BTBD9: variants seen among roughly 807,000 people sequenced by gnomAD.
The protein encoded by BTBD9 is BTB domain containing 9.
In BTBD9, 49 loss-of-function variants were observed where a neutral mutation model predicts 64.3. The observed-to-expected ratio is 0.76, with a 90% CI of 0.61 to 0.97. BTBD9 has a LOEUF of 0.97. BTBD9 is among the 50% of genes least tolerant of loss of function. The pLI, the probability that BTBD9 is intolerant of heterozygous loss-of-function variation, is 0.00. For synonymous variants in BTBD9, 260 were observed against 274.7 expected (o/e 0.95, Z 0.53); for missense variants, 598 against 762.1 (o/e 0.78, Z 2.53).
At chr6:38,400,855 T>C (rs1277463027) in intron 6 of BTBD9, among the ~76,000 whole-genome samples, 1 of 152,240 alleles carries the variant, frequency 6.6e-6, no homozygotes, top group East Asian at 1.9e-4. Flanking sequence ...ATGTGTACTA[T>C]TTATTTAAGT....
At chr6:38,528,523 C>A (rs1773621719) in intron 6 of BTBD9, among the ~76,000 whole-genome samples, 1 of 152,150 alleles carries the variant, frequency 6.6e-6, no homozygotes, top group Non-Finnish European at 1.5e-5. Context: ...AGACTTCTTA[C>A]CTCTGTTTGA....
At chr6:38,401,668 T>C (rs570150554) in intron 6 of BTBD9, among the ~76,000 whole-genome samples, 1 of 152,340 alleles carries the variant, frequency 6.6e-6, no homozygotes, top group East Asian at 1.9e-4. Flanking sequence ...AGAGCTATTA[T>C]GAATTATTCA....
At chr6:38,600,109 T>C (rs1428111372) in intron 1 of BTBD9, among the ~76,000 whole-genome samples, 6 of 152,244 alleles carry the variant, frequency 3.9e-5, no homozygotes, top group Non-Finnish European at 7.3e-5. Context: ...GACACAGTAG[T>C]CTTAATGTGT....
At chr6:38,411,254 G>T (rs1288080849) in intron 6 of BTBD9, among the ~76,000 whole-genome samples, 1 of 152,042 alleles carries the variant, frequency 6.6e-6, no homozygotes, top group Non-Finnish European at 1.5e-5. Flanking sequence ...AATCATGCAA[G>T]AATAGCCAAG....
At chr6:38,393,905 G>A (rs1766545599) in intron 6 of BTBD9, among the ~76,000 whole-genome samples, 2 of 152,158 alleles carry the variant, frequency 1.3e-5, no homozygotes, top group Non-Finnish European at 2.9e-5. Context: ...ATATTTAATA[G>A]GGGCCTATTA....
At chr6:38,511,314 T>C (rs960948199) in intron 6 of BTBD9, among the ~76,000 whole-genome samples, 5 of 151,780 alleles carry the variant, frequency 3.3e-5, no homozygotes, top group African/African-American at 1.2e-4. Context: ...CTCATCTGTG[T>C]CTGTTCCACA....
intron 6 of BTBD9, among the ~76,000 whole-genome samples, chr6:38,543,999 T>C (rs1301331525): frequency 6.7e-6 from 1 of 149,778 alleles, no homozygotes; most frequent in Non-Finnish European, 1.5e-5. Context: ...TATAATCTAA[T>C]AGGGAGGGAC....
At chr6:38,210,454 A>C (rs981796333) in intron 9 of BTBD9, among the ~76,000 whole-genome samples, 3 of 152,002 alleles carry the variant, frequency 2.0e-5, no homozygotes, top group African/African-American at 7.3e-5. Flanking sequence ...TTTGAGTATC[A>C]TGCAGAAAAA....
intron 10 of BTBD9, chr6:38,179,507 A>G: frequency 2.2e-6 from 1 of 456,778 alleles, no homozygotes; most frequent in Non-Finnish European, 4.4e-6. Flanking sequence ...CACTCATGCC[A>G]AGGACTCTCA....
intron 9 of BTBD9, among the ~76,000 whole-genome samples, chr6:38,244,156 T>C (rs1764103589): frequency 6.6e-6 from 1 of 152,242 alleles, no homozygotes; most frequent in African/African-American, 2.4e-5. Context: ...TGCTGACTGT[T>C]ACTGTGGTGC....
rs1016041991 is a variant in BTBD9 at position 38,288,519 on chromosome 6, T to C, written c.1265-58A>G. 176 of 1,414,940 alleles carry C rather than the reference T, an allele frequency of 1.2e-4. 1 individual carries two copies. Among genetic ancestry groups the C allele is most frequent in the Non-Finnish European group, 9.7e-5 (99 of 1,015,484 alleles). 87.6% of individuals were successfully genotyped at this position (1,414,940 alleles called of 1,614,324 possible). ...ATAAGAGAAGCCAAATATATCTCTATAGTGTGCTCAGAACAAAATTAATTA... is the reference window on the plus strand; with the variant it reads ...ATAAGAGAAGCCAAATATATCTCTACAGTGTGCTCAGAACAAAATTAATTA... On this transcript the variant is annotated intron_variant, in intron 7 of 10. Coordinates refer to ENST00000481247, the MANE Select transcript of BTBD9 (RefSeq NM_001099272.2).
intron 6 of BTBD9, among the ~76,000 whole-genome samples, chr6:38,543,042 T>G (rs1286208996): frequency 1.3e-5 from 2 of 152,222 alleles, no homozygotes; most frequent in Non-Finnish European, 2.9e-5. Flanking sequence ...GGCCTTAACA[T>G]AATCTGACCT....
At chr6:38,241,955 T>C (rs1292395711) in intron 9 of BTBD9, among the ~76,000 whole-genome samples, 4 of 152,204 alleles carry the variant, frequency 2.6e-5, no homozygotes, top group Admixed American at 2.6e-4. Context: ...CTAGATAATC[T>C]AGATTTGACC....
Position 38,446,880 on chromosome 6 carries a change from G to A in BTBD9, c.1155-101787C>T, listed in dbSNP as rs576973718. On this transcript the variant is annotated intron_variant, in intron 6 of 10. Transcript: ENST00000481247. ...CAGTCTTTCTAGCACGTACTGCAAA[G>A]TCCTAAAGTGAAACCCTGCATACAA... Among the ~76,000 whole-genome samples, 104 of 152,272 alleles carry A rather than the reference G, an allele frequency of 6.8e-4. 1 individual carries two copies. The highest frequency in any genetic ancestry group is 2.2e-3 in the African/African-American group (93 of 41,556).
intron 9 of BTBD9, among the ~76,000 whole-genome samples, chr6:38,219,806 T>G (rs1040038970): frequency 6.6e-6 from 1 of 152,164 alleles, no homozygotes; most frequent in African/African-American, 2.4e-5. Context: ...AAAATACATA[T>G]ACAATTATAA....
chr6:38,376,372 G>T (rs541542795), intron 6 of BTBD9, among the ~76,000 whole-genome samples: 1 of 152,046 alleles, frequency 6.6e-6, no homozygotes, highest in East Asian at 1.9e-4. Flanking sequence ...TAATGTGGTA[G>T]GAAACAGGGA....
Position 38,549,821 on chromosome 6 carries a change from C to G in BTBD9, c.1154+27779G>C, listed in dbSNP as rs565021225. 5.3e-5 allele frequency among the ~76,000 whole-genome samples: 8 copies of G among 152,284 alleles called. No individual in the cohort carries two copies. The South Asian group carries it at 1.7e-3, about 32-fold the overall frequency. On this transcript the variant is annotated intron_variant, in intron 6 of 10. Coordinates refer to ENST00000481247, the MANE Select transcript of BTBD9 (RefSeq NM_001099272.2). Reference sequence around the variant, plus strand: ...CTTTCCTCCCACCACTCCTCTAAAACTGCTTCTCAAGGGCATTCAGGATCT... The same window carrying G: ...CTTTCCTCCCACCACTCCTCTAAAAGTGCTTCTCAAGGGCATTCAGGATCT...
At chr6:38,347,420 G>C (rs1156936501) in intron 6 of BTBD9, among the ~76,000 whole-genome samples, 1 of 152,154 alleles carries the variant, frequency 6.6e-6, no homozygotes, top group Non-Finnish European at 1.5e-5. Context: ...CTTTTGATCA[G>C]CCTGTTATAT....
intron 6 of BTBD9, among the ~76,000 whole-genome samples, chr6:38,461,398 T>A (rs557912658): frequency 3.9e-5 from 6 of 152,194 alleles, no homozygotes; most frequent in Non-Finnish European, 8.8e-5. Flanking sequence ...TTTCTAAAAT[T>A]TTATATAAAT....
Sources: allele counts gnomAD v4.1 joint callset (sites outside exome capture counted in the v4.1 genomes callset), GRCh38; gene constraint gnomAD v4.1.1; transcripts MANE v1.5; gene names NCBI Gene and HGNC (gene_info 2026-07-23, HGNC 2026-07-21).